The following RFC4 variants were observed in gnomAD, a reference collection of about 807,000 sequenced individuals.
The protein encoded by RFC4 is A1 37 kDa subunit.
Under a neutral mutation model 47.6 loss-of-function variants are expected in RFC4, and 38 were observed. The observed-to-expected ratio is 0.80, with a 90% confidence interval of 0.62 to 1.05. The LOEUF (loss-of-function observed/expected upper bound fraction) is 1.05. RFC4 is among the 50% of genes least tolerant of loss of function. The pLI, the probability that RFC4 is intolerant of heterozygous loss-of-function variation, is 0.00. For missense variants in RFC4, 489 were observed against 434.0 expected (o/e 1.13, Z -1.13); for synonymous variants, 164 against 150.0 (o/e 1.09, Z -0.68).
Position 186,801,148 on chromosome 3 carries a change from G to C in RFC4, c.179C>G (p.Ala60Gly), listed in dbSNP as rs1232622069. Residue 60 changes from alanine (A) to glycine (G), a missense_variant, in exon 3 of 11, where the codon GCA (alanine) becomes GGA (glycine). Ala to Gly is a moderately conservative substitution (Grantham distance 60). Coordinates refer to ENST00000296273, the MANE Select transcript of RFC4 (RefSeq NM_002916.5). ...TCCTTCTAAAGATTTTTTCAGCACT[G>C]CAACCACTTCTTCCTGGAAAGCAAC... ...DEVAFQEEVV[A>G]VLKKSLEGAD... 1 of 1,614,046 alleles carries C rather than the reference G, an allele frequency of 6.2e-7. No homozygotes were observed. Among genetic ancestry groups the C allele is most frequent in the Admixed American group, 1.7e-5 (1 of 60,016 alleles).
intron 2 of RFC4, among the ~76,000 whole-genome samples, chr3:186,803,830 G>A (rs979691434): frequency 6.6e-6 from 1 of 151,986 alleles, no homozygotes; most frequent in Non-Finnish European, 1.5e-5. Context: ...GGTGGTGACT[G>A]ACAATTTAAA....
Position 186,804,707 on chromosome 3 carries a change from C to T in RFC4, c.7G>A (p.Ala3Thr), listed in dbSNP as rs1389718351. The change falls in exon 2 of 11, where the codon GCA becomes ACA. Residue 3 changes from alanine (A) to threonine (T), a missense_variant. This residue lies in a region of RFC4 where 206 missense variants were observed against 257.8 expected (regional missense o/e 0.80). Transcript: ENST00000296273. ...CTGATGGATGTACCTTTAAGAAATG[C>T]TTGCATGGTACTTCACCCTGGTCAG... is the stretch of plus-strand genomic sequence containing the variant. The part of the protein sequence containing the change: MQ[A>T]FLKGTSISTK... 1.2e-6 allele frequency: 2 copies of T among 1,612,356 alleles called. No individual in the cohort carries two copies. The highest frequency in any genetic ancestry group is 1.7e-6 in the Non-Finnish European group (2 of 1,179,210).
At position 186,790,522 on chromosome 3, in the gene RFC4, T is replaced by C. The variant is rs935587003; in HGVS notation, c.802-116A>G. On this transcript the variant is annotated intron_variant, in intron 8 of 10. Coordinates refer to ENST00000296273, the MANE Select transcript of RFC4 (RefSeq NM_002916.5). ...TGTTCCACACCTAAGTTCCATACTT[T>C]CCTGGGAAGGCTTTGGGAGAACGGA... 8 of 766,020 alleles carry C rather than the reference T, an allele frequency of 1.0e-5. No homozygotes were observed. In the Middle Eastern group the frequency reaches 1.3e-3, roughly 123 times the overall value. 47.5% of individuals were successfully genotyped at this position (766,020 alleles called of 1,614,324 possible).
At chr3:186,805,691 T>G (rs568126836) in intron 1 of RFC4, 91 of 152,280 alleles carry the variant, frequency 6.0e-4, no homozygotes, top group African/African-American at 2.1e-3. Context: ...TTTAAAAAAG[T>G]AATACAAAAT....
chr3:186,791,153 A>G (rs1250802693), intron 8 of RFC4, among the ~76,000 whole-genome samples: 6 of 152,230 alleles, frequency 3.9e-5, no homozygotes, highest in African/African-American at 1.4e-4. Flanking sequence ...CATCTGCTAA[A>G]ATTGATTTAA....
chr3:186,796,766 C>A lies in RFC4; in HGVS notation c.290+769G>T, dbSNP rs2108470452. 6.6e-6 allele frequency among the ~76,000 whole-genome samples: 1 copy of A among 152,314 alleles called. No homozygotes were observed. Among genetic ancestry groups the A allele is most frequent in the Middle Eastern group, 3.4e-3 (1 of 294 alleles). On this transcript the variant is annotated intron_variant, in intron 4 of 10. Transcript: ENST00000296273. The surrounding 1 kb of genome is among the most constrained non-coding windows in gnomAD (Gnocchi z 4.2). ...AAGTGCTGGGATTACAGATGTGAGC[C>A]ACCACACCCAGCCTATTTTCATATG...
Position 186,789,978 on chromosome 3 carries a change from C to T in RFC4, c.1083G>A (p.Gln361=). 1 of 1,602,732 alleles carries T rather than the reference C, an allele frequency of 6.2e-7. No individual in the cohort carries two copies. Among genetic ancestry groups the T allele is most frequent in the East Asian group, 2.2e-5 (1 of 44,798 alleles). ...TCCAGATATATTCACGTTAACAATT[C>T]TGAGATAACTGCTGCATCACAGTTG... The part of the protein sequence containing the change: ...LCATVMQQLS[Q]NC Residue 361 remains glutamine (Q), a synonymous_variant, in exon 11 of 11, where the codon CAG becomes CAA. Transcript: ENST00000296273.
rs1264818072 is a variant in RFC4 at position 186,793,753 on chromosome 3, T to G, written c.411-806A>C. On this transcript the variant is annotated intron_variant, in intron 5 of 10. Coordinates refer to ENST00000296273, the MANE Select transcript of RFC4 (RefSeq NM_002916.5). This position sits in a 1 kb window ranked among gnomAD's most constrained non-coding sequence, Gnocchi z 4.2. ...TTTTTTTTTTTTTGAGATAGAGTCT[T>G]GCTCTGTCGCCCAGGCTGGAGTGCA... Among the ~76,000 whole-genome samples the G allele has an allele frequency of 4.0e-5, 6 of 151,830 alleles. No individual in the cohort carries two copies. Among genetic ancestry groups the G allele is most frequent in the African/African-American group, 1.5e-4 (6 of 41,280 alleles).
chr3:186,791,508 C>A, intron 8 of RFC4: 1 of 547,312 alleles, frequency 1.8e-6, no homozygotes, highest in Non-Finnish European at 3.3e-6. Context: ...CTGAAAGTGT[C>A]CTTTTCTTTC....
At chr3:186,790,831 C>T (rs1423269600) in intron 8 of RFC4, among the ~76,000 whole-genome samples, 1 of 152,026 alleles carries the variant, frequency 6.6e-6, no homozygotes, top group Non-Finnish European at 1.5e-5. Flanking sequence ...AAAAAGTCCA[C>T]AATATCCAGA....
intron 8 of RFC4, 104 bp downstream of exon 8, chr3:186,791,621 A>G (rs866881147): frequency 8.4e-6 from 8 of 948,234 alleles, no homozygotes; most frequent in African/African-American, 8.0e-5. Context: ...TTCCTAGTGC[A>G]GTACTTGGCA....
In RFC4 at chr3:186,793,158, T is replaced by A. The variant is rs551629057; in HGVS notation, c.411-211A>T. Among the ~76,000 whole-genome samples, 13 of 152,288 alleles carry A rather than the reference T, an allele frequency of 8.5e-5. No individual in the cohort carries two copies. In the South Asian group the frequency reaches 1.0e-3, roughly 12 times the overall value. On this transcript the variant is annotated intron_variant, in intron 5 of 10. Transcript: ENST00000296273. This position sits in a 1 kb window ranked among gnomAD's most constrained non-coding sequence, Gnocchi z 4.2. ...AAAGAAACTTTGTACCTATTAGGAG[T>A]CACTCTTCTTCCCCCAGTCATTCCC... is the stretch of plus-strand genomic sequence containing the variant.
At position 186,791,846 on chromosome 3, in the gene RFC4, A is replaced by G. The variant is rs183347078; in HGVS notation, c.680T>C (p.Ile227Thr). 1.4e-5 allele frequency: 23 copies of G among 1,611,902 alleles called. No homozygotes were observed. The African/African-American group carries it at 2.0e-4, about 14-fold the overall frequency. The change falls in exon 8 of 11, where the codon ATA (isoleucine) becomes ACA (threonine). Residue 227 changes from isoleucine to threonine, a missense_variant. This residue lies in a region of RFC4 where 283 missense variants were observed against 176.2 expected (regional missense o/e 1.61). Transcript: ENST00000296273. ...TTCTGACACTTTAACAAGATAAGCT[A>G]TTCCCTGAAGAGAAAAGAGTTGTTT... The part of the protein sequence containing the change: ...KENVKISDEG[I>T]AYLVKVSEGD...
chr3:186,804,229 A>T (rs1722426025), intron 2 of RFC4, among the ~76,000 whole-genome samples: 1 of 152,146 alleles, frequency 6.6e-6, no homozygotes, highest in Admixed American at 6.5e-5. Context: ...TTGTAATGAG[A>T]AGAAGGAGGA....
At chr3:186,792,133 T>C (rs1423755076) in intron 7 of RFC4, among the ~76,000 whole-genome samples, 1 of 152,200 alleles carries the variant, frequency 6.6e-6, no homozygotes, top group Admixed American at 6.5e-5. Context: ...TTAAATTCTG[T>C]TATAATGAAT....
intron 8 of RFC4, among the ~76,000 whole-genome samples, chr3:186,791,023 T>G (rs545918109): frequency 5.1e-4 from 77 of 152,326 alleles, no homozygotes; most frequent in African/African-American, 1.8e-3. Context: ...GAAGTGAGTT[T>G]TTACATGGGA....
rs771547460 is a variant in RFC4, at chr3:186,791,614, C to G, written c.801+111G>C. 3.3e-6 allele frequency: 3 copies of G among 905,460 alleles called. No individual in the cohort carries two copies. In the African/African-American group the frequency reaches 4.9e-5, roughly 15 times the overall value. The allele number at this position is 905,460 out of a possible 1,614,324, so 56.1% of individuals were successfully genotyped here. On this transcript the variant is annotated intron_variant, in intron 8 of 10. Coordinates refer to ENST00000296273, the MANE Select transcript of RFC4 (RefSeq NM_002916.5). ...CTCCCAGGTTATTCCCTTATACTTC[C>G]TAGTGCAGTACTTGGCACTTGCTAA...
rs3917136 is a variant in RFC4, at chr3:186,791,327, A to G, written c.801+398T>C. ...AACATCGTGAAACCCCGTCTCTACT[A>G]AAAATATACAAATTAGCTGGGCATG... On this transcript the variant is annotated intron_variant, in intron 8 of 10. Transcript: ENST00000296273. 1,926 of 243,196 alleles carry G rather than the reference A, an allele frequency of 7.9e-3. 49 individuals carry two copies. In the East Asian group the frequency reaches 0.08, roughly 10 times the overall value. 15.1% of individuals were successfully genotyped at this position (243,196 alleles called of 1,614,324 possible).
At chr3:186,798,085 CT>C (rs1476386850) in intron 3 of RFC4, among the ~76,000 whole-genome samples, 1 of 152,060 alleles carries the variant, frequency 6.6e-6, no homozygotes, top group African/African-American at 2.4e-5. Flanking sequence ...ATAATTAGGG[CT>C]TTGGATGAGC....
Sources: allele counts gnomAD v4.1 joint callset (sites outside exome capture counted in the v4.1 genomes callset), GRCh38; gene constraint gnomAD v4.1.1; regional missense constraint gnomAD v4.1.1; non-coding constraint Gnocchi (gnomAD v3.1); transcripts MANE v1.5; gene names NCBI Gene and HGNC (gene_info 2026-07-23, HGNC 2026-07-21).